The following RBFOX1 variants were observed in gnomAD, a reference collection of about 807,000 sequenced individuals.
RBFOX1 encodes the protein RNA binding fox-1 homolog 1.
A neutral mutation model predicts 57.7 loss-of-function variants in RBFOX1; 8 were observed. The observed-to-expected ratio is 0.14, with a 90% confidence interval of 0.08 to 0.25. The LOEUF (loss-of-function observed/expected upper bound fraction) is 0.25. RBFOX1 is among the 10% of genes least tolerant of loss of function. RBFOX1 has a pLI of 1.00. For synonymous variants in RBFOX1, 326 were observed against 222.4 expected, an observed-to-expected ratio of 1.47 and a Z score of -4.15; for missense variants, 611 against 548.5, an observed-to-expected ratio of 1.11 and a Z score of -1.14.
intron 4 of RBFOX1, among the ~76,000 whole-genome samples, chr16:5,929,816 C>T (rs1482182456): frequency 6.7e-6 from 1 of 149,894 alleles, no homozygotes; most frequent in Non-Finnish European, 1.5e-5. Flanking sequence ...TCACTAAGAG[C>T]TGGCAAGGGA....
chr16:7,023,947 G>T (rs1364081119), intron 3 of RBFOX1, among the ~76,000 whole-genome samples: 1 of 152,064 alleles, frequency 6.6e-6, no homozygotes, highest in Non-Finnish European at 1.5e-5. Flanking sequence ...TCCCATGAGG[G>T]CAATAGCTGT....
intron 3 of RBFOX1, among the ~76,000 whole-genome samples, chr16:6,955,796 C>A (rs1255607650): frequency 6.6e-6 from 1 of 152,038 alleles, no homozygotes; most frequent in African/African-American, 2.4e-5. Context: ...ACCTCCATTT[C>A]CCTGGTTCAA....
At chr16:6,227,157 T>A (rs1406388406) in intron 1 of RBFOX1, among the ~76,000 whole-genome samples, 6 of 151,864 alleles carry the variant, frequency 4.0e-5, no homozygotes. Flanking sequence ...TATTACTGCC[T>A]CATATATCTT....
At chr16:6,493,981 C>T (rs2095697465) in intron 2 of RBFOX1, among the ~76,000 whole-genome samples, 4 of 152,168 alleles carry the variant, frequency 2.6e-5, no homozygotes, top group Admixed American at 2.6e-4. Flanking sequence ...CCAGAAGATA[C>T]AGAGAGAAGG....
At chr16:7,063,321 G>T (rs190254482) in intron 4 of RBFOX1, among the ~76,000 whole-genome samples, 2 of 151,890 alleles carry the variant, frequency 1.3e-5, no homozygotes, top group African/African-American at 2.4e-5. Flanking sequence ...GACCACCCCC[G>T]TGCCCACAGA....
chr16:5,801,311 C>T (rs1306048044), intron 3 of RBFOX1, among the ~76,000 whole-genome samples: 1 of 148,784 alleles, frequency 6.7e-6, no homozygotes, highest in Non-Finnish European at 1.5e-5. Context: ...ATTTTAAAGT[C>T]TCTATCTGCC....
chr16:5,244,529 T>G (rs527749020), intron 1 of RBFOX1, among the ~76,000 whole-genome samples: 1 of 152,172 alleles, frequency 6.6e-6, no homozygotes, highest in Non-Finnish European at 1.5e-5. Context: ...AACCTCTGGG[T>G]TTTTGGATTT....
At chr16:5,914,561 C>G (rs1186471041) in intron 4 of RBFOX1, among the ~76,000 whole-genome samples, 1 of 151,934 alleles carries the variant, frequency 6.6e-6, no homozygotes, top group East Asian at 1.9e-4. Context: ...AGTGCCCTTA[C>G]AACATGGCAG....
chr16:7,301,607 G>A (rs2096035210), intron 4 of RBFOX1, among the ~76,000 whole-genome samples: 1 of 152,016 alleles, frequency 6.6e-6, no homozygotes, highest in Non-Finnish European at 1.5e-5. Context: ...TAATGTATTT[G>A]TTTTTCATTA....
chr16:6,848,253 T>C (rs1343259422), intron 3 of RBFOX1, among the ~76,000 whole-genome samples: 1 of 152,106 alleles, frequency 6.6e-6, no homozygotes, highest in Non-Finnish European at 1.5e-5. Context: ...AGGGAGTCAC[T>C]TCACAGCTGC....
At chr16:6,174,778 T>G (rs1339740991) in intron 1 of RBFOX1, among the ~76,000 whole-genome samples, 1 of 152,214 alleles carries the variant, frequency 6.6e-6, no homozygotes, top group Non-Finnish European at 1.5e-5. Flanking sequence ...CTAGGATTTG[T>G]GCTCCTTTTG....
At position 6,190,835 on chromosome 16, in the gene RBFOX1, T is replaced by G. The variant is rs2097136770; in HGVS notation, c.-126-126160T>G. Among the ~76,000 whole-genome samples, 3 of 152,278 alleles carry G rather than the reference T, an allele frequency of 2.0e-5. No homozygotes were observed. In the South Asian group the frequency reaches 6.2e-4, roughly 32 times the overall value. Reference sequence around the variant, plus strand: ...ATTCTAAAAGGTTTAAAGCTTAAATTAGAGCCCACATTTAAACCGAGTTGG... The same window carrying G: ...ATTCTAAAAGGTTTAAAGCTTAAATGAGAGCCCACATTTAAACCGAGTTGG... On this transcript the variant is annotated intron_variant, in intron 1 of 15. Coordinates refer to ENST00000550418, the MANE Select transcript of RBFOX1 (RefSeq NM_018723.4).
At chr16:5,346,217 A>T (rs985869725) in intron 1 of RBFOX1, among the ~76,000 whole-genome samples, 10 of 152,132 alleles carry the variant, frequency 6.6e-5, no homozygotes, top group African/African-American at 1.4e-4. Context: ...ACGTTGTGCA[A>T]ATCTACCTCT....
At chr16:7,439,117 G>T (rs377524310) in intron 4 of RBFOX1, among the ~76,000 whole-genome samples, 2 of 152,134 alleles carry the variant, frequency 1.3e-5, no homozygotes, top group Admixed American at 6.5e-5. Flanking sequence ...CCTCGCGCTG[G>T]CAAATGGATG....
At chr16:7,119,228 G>A (rs1281767713) in intron 4 of RBFOX1, among the ~76,000 whole-genome samples, 1 of 152,044 alleles carries the variant, frequency 6.6e-6, no homozygotes, top group Non-Finnish European at 1.5e-5. Context: ...TAGGTACAAG[G>A]CAGTAATTTT....
At chr16:6,729,140 T>A (rs1321002259) in intron 3 of RBFOX1, among the ~76,000 whole-genome samples, 1 of 152,158 alleles carries the variant, frequency 6.6e-6, no homozygotes, top group Non-Finnish European at 1.5e-5. Flanking sequence ...CTTTATATGA[T>A]TTTGCTGATA....
chr16:6,859,055 A>C lies in RBFOX1; in HGVS notation c.-15-193002A>C, dbSNP rs938465497. Among the ~76,000 whole-genome samples, 6 of 148,204 alleles carry C rather than the reference A, an allele frequency of 4.0e-5. 1 individual carries two copies. The highest frequency in any genetic ancestry group is 6.8e-5 in the Admixed American group (1 of 14,702). ...AAGTGCCAGGACTGAGGCTGGAAGG[A>C]GGAATTAAGTTATGCTCCCTTAATA... On this transcript the variant is annotated intron_variant, in intron 3 of 15. Transcript: ENST00000550418.
At chr16:5,989,618 C>G (rs961437461) in intron 4 of RBFOX1, among the ~76,000 whole-genome samples, 3 of 152,046 alleles carry the variant, frequency 2.0e-5, no homozygotes, top group African/African-American at 7.2e-5. Context: ...CAGAAGACCT[C>G]TGCCATGCTT....
chr16:7,499,299 A>C (rs889317491), intron 4 of RBFOX1, among the ~76,000 whole-genome samples: 1 of 152,144 alleles, frequency 6.6e-6, no homozygotes, highest in Non-Finnish European at 1.5e-5. Context: ...TGGTATGCAT[A>C]TCTGTGTCCA....
Sources: allele counts gnomAD v4.1 joint callset (sites outside exome capture counted in the v4.1 genomes callset), GRCh38; gene constraint gnomAD v4.1.1; transcripts MANE v1.5; gene names NCBI Gene and HGNC (gene_info 2026-07-23, HGNC 2026-07-21).